Variants in RIMS2 observed in about 807,000 individuals in gnomAD.
RIMS2 encodes the protein regulating synaptic membrane exocytosis 2.
A neutral mutation model predicts 174.4 loss-of-function variants in RIMS2; 59 were observed. The ratio of observed to expected loss-of-function variants is 0.34; its 90% CI spans 0.27 to 0.42. The LOEUF (loss-of-function observed/expected upper bound fraction) is 0.42, where lower values mean the gene tolerates loss of function less well. Ranked by LOEUF, RIMS2 falls within the 10% of genes least tolerant of loss-of-function variation. The pLI is 1.00. For missense variants in RIMS2, 1,620 were observed against 1,666.3 expected (o/e 0.97, Z 0.48); for synonymous variants, 606 against 572.5 (o/e 1.06, Z -0.84).
At chr8:104,146,204 CAAA>C (rs36101798) in intron 19 of RIMS2, among the ~76,000 whole-genome samples, 2,816 of 65,974 alleles carry the variant, frequency 0.043, 92 homozygotes, top group East Asian at 0.16. Context: ...TCTCCTCTCC[CAAA>C]AAAAAAAAAA....
intron 2 of RIMS2, among the ~76,000 whole-genome samples, chr8:103,760,036 T>A (rs1045934894): frequency 3.9e-5 from 6 of 152,196 alleles, no homozygotes; most frequent in Non-Finnish European, 7.3e-5. Context: ...TAAAGAAGAA[T>A]CTGGCAAGTG....
At chr8:103,557,001 A>G (rs534216626) in intron 1 of RIMS2, among the ~76,000 whole-genome samples, 1 of 152,360 alleles carries the variant, frequency 6.6e-6, no homozygotes, top group East Asian at 1.9e-4. Context: ...ATTTTAGAAT[A>G]TAATCAACTT....
At chr8:103,543,354 A>C (rs187607231) in intron 1 of RIMS2, among the ~76,000 whole-genome samples, 2 of 152,328 alleles carry the variant, frequency 1.3e-5, no homozygotes, top group East Asian at 3.9e-4. Context: ...TGATGAAAGA[A>C]ATTGAAGATG....
At chr8:103,921,297 C>T (rs1297394280) in intron 9 of RIMS2, among the ~76,000 whole-genome samples, 2 of 151,984 alleles carry the variant, frequency 1.3e-5, no homozygotes, top group African/African-American at 4.8e-5. Context: ...TGTAGTCTGT[C>T]TTTCAGTTGC....
At chr8:103,603,744 G>A (rs1406265779) in intron 1 of RIMS2, among the ~76,000 whole-genome samples, 3 of 141,232 alleles carry the variant, frequency 2.1e-5, no homozygotes, top group African/African-American at 2.6e-5. Flanking sequence ...TTCTCTGATG[G>A]CCAGTGATGA....
intron 16 of RIMS2, among the ~76,000 whole-genome samples, chr8:103,983,524 A>G (rs2094095686): frequency 6.6e-6 from 1 of 152,214 alleles, no homozygotes; most frequent in African/African-American, 2.4e-5. Flanking sequence ...TAACTGAAAA[A>G]GCATGGTACT....
chr8:103,854,306 G>A (rs2099014927), intron 3 of RIMS2, among the ~76,000 whole-genome samples: 1 of 152,002 alleles, frequency 6.6e-6, no homozygotes, highest in Non-Finnish European at 1.5e-5. Context: ...TCATCAGTGA[G>A]AGAGATAGAT....
intron 19 of RIMS2, among the ~76,000 whole-genome samples, chr8:104,061,111 T>C (rs879874274): frequency 2.0e-5 from 3 of 152,216 alleles, no homozygotes; most frequent in Non-Finnish European, 4.4e-5. Context: ...CTGAGTTCAA[T>C]TCCTGGATAT....
chr8:103,918,425 T>G lies in RIMS2; in HGVS notation c.2037-16T>G. The G allele has an allele frequency of 6.6e-7, 1 of 1,523,564 alleles. No homozygotes were observed. Among genetic ancestry groups the G allele is most frequent in the African/African-American group, 1.4e-5 (1 of 71,452 alleles). 94.4% of individuals were successfully genotyped at this position (1,523,564 alleles called of 1,614,324 possible). ...GAAACAGTTTCTGTCTTTCTTTTTT[T>G]TTTTAATCATTTCAGAGATATACCG... On this transcript the variant is annotated splice_polypyrimidine_tract_variant and intron_variant, in intron 8 of 23. Transcript: ENST00000504942.
At chr8:104,034,377 C>CT (rs1439720779) in intron 19 of RIMS2, among the ~76,000 whole-genome samples, 3 of 149,116 alleles carry the variant, frequency 2.0e-5, no homozygotes, top group African/African-American at 7.4e-5. Context: ...CTAGTAATTG[C>CT]TTTTTTTAAA....
intron 3 of RIMS2, among the ~76,000 whole-genome samples, chr8:103,881,065 A>C (rs1328795783): frequency 6.6e-6 from 1 of 151,450 alleles, no homozygotes; most frequent in Non-Finnish European, 1.5e-5. Flanking sequence ...ATTTTTATTT[A>C]TAAAGTAACA....
chr8:103,788,104 C>A (rs2098461143), intron 3 of RIMS2, among the ~76,000 whole-genome samples: 1 of 150,554 alleles, frequency 6.6e-6, no homozygotes, highest in Admixed American at 6.6e-5. Context: ...GTTCTCGAGC[C>A]TTGGTTTTCA....
intron 3 of RIMS2, among the ~76,000 whole-genome samples, chr8:103,795,254 A>G (rs1246691902): frequency 1.3e-5 from 2 of 152,226 alleles, no homozygotes; most frequent in South Asian, 2.1e-4. Flanking sequence ...CTATGCAGCC[A>G]TAAAAAGGAT....
At chr8:103,831,591 A>G (rs1482610716) in intron 3 of RIMS2, among the ~76,000 whole-genome samples, 7 of 152,286 alleles carry the variant, frequency 4.6e-5, no homozygotes, top group Non-Finnish European at 1.5e-5. Context: ...TTGCTTTCAT[A>G]ATGATATGAA....
intron 1 of RIMS2, 138 bp from the exon 4 acceptor site, chr8:103,696,948 T>G (rs2097110760): frequency 1.7e-6 from 1 of 585,666 alleles, no homozygotes; most frequent in South Asian, 2.1e-5. Context: ...TAATTTATCA[T>G]CAGAAAATTA....
intron 19 of RIMS2, among the ~76,000 whole-genome samples, chr8:104,176,328 T>G (rs774196393): frequency 6.6e-6 from 1 of 152,094 alleles, no homozygotes; most frequent in Non-Finnish European, 1.5e-5. Context: ...CCCTTTTGGT[T>G]GTAAAAACAA....
At chr8:103,875,624 T>C (rs1221359768) in intron 3 of RIMS2, among the ~76,000 whole-genome samples, 1 of 152,002 alleles carries the variant, frequency 6.6e-6, no homozygotes, top group Non-Finnish European at 1.5e-5. Context: ...ATAGATACTC[T>C]CAGTAGTGGG....
intron 12 of RIMS2, among the ~76,000 whole-genome samples, chr8:103,933,013 CCAGGCGCGGTGGCT>C (rs2080319862): frequency 6.6e-6 from 1 of 152,018 alleles, no homozygotes; most frequent in Admixed American, 6.6e-5. Flanking sequence ...AAAAAATTGG[CCAGGCGCGGTGGCT>C]CATGCCTGTA....
At chr8:104,115,012 A>G (rs72685003) in intron 19 of RIMS2, among the ~76,000 whole-genome samples, 23,754 of 152,032 alleles carry the variant, frequency 0.16, 2,452 homozygotes, top group Non-Finnish European at 0.23. Flanking sequence ...TTACTGCATA[A>G]TAGTTTATAA....
Sources: gnomAD v4.1 joint callset for allele counts (sites outside exome capture counted in the v4.1 genomes callset) on GRCh38, gnomAD v4.1.1 for gene constraint, MANE v1.5 for transcripts, NCBI Gene and HGNC (gene_info 2026-07-23, HGNC 2026-07-21) for gene names.